The following PSMF1 variants were observed in gnomAD, a reference collection of about 807,000 sequenced individuals.
The protein encoded by PSMF1 is proteasome inhibitor subunit 1.
Under a neutral mutation model 29.3 loss-of-function variants are expected in PSMF1, and 30 were observed. The observed-to-expected ratio is 1.02, with a 90% CI of 0.77 to 1.39. The LOEUF is 1.39. PSMF1 is among the 40% of genes most tolerant of loss of function. PSMF1 has a pLI of 0.00. For missense variants in PSMF1, 344 were observed against 357.5 expected, an observed-to-expected ratio of 0.96 and a Z score of 0.31; for synonymous variants, 134 against 139.7, an observed-to-expected ratio of 0.96 and a Z score of 0.29.
chr20:1,147,329 C>G (rs568740154), intron 4 of PSMF1, among the ~76,000 whole-genome samples: 2 of 152,286 alleles, frequency 1.3e-5, no homozygotes, highest in East Asian at 3.9e-4. Context: ...GGGGAAGAGA[C>G]AGTGGCTGAG....
rs2086705889 is a variant in PSMF1 at position 1,164,540 on chromosome 20, C to G, written c.764+64C>G. 5 of 1,586,446 alleles carry G rather than the reference C, an allele frequency of 3.2e-6. No homozygotes were observed. Among genetic ancestry groups the G allele is most frequent in the African/African-American group, 1.3e-5 (1 of 74,430 alleles). Reference sequence around the variant, plus strand: ...ATGGCAGCTTGGTTCAGTGTGGCAGCAATGAAGGTTTCTAGCCCCAGGCAC... The same window carrying G: ...ATGGCAGCTTGGTTCAGTGTGGCAGGAATGAAGGTTTCTAGCCCCAGGCAC... On this transcript the variant is annotated intron_variant, in intron 6 of 6. Transcript: ENST00000335877. This position sits in a 1 kb window ranked among gnomAD's most constrained non-coding sequence, Gnocchi z 4.1.
intron 4 of PSMF1, chr20:1,160,687 TCAGGTGCCCCCAA>T: frequency 2.0e-6 from 1 of 496,160 alleles, no homozygotes; most frequent in Non-Finnish European, 4.1e-6. Context: ...CCCTCCACTG[TCAGGTGCCCCCAA>T]CACCAGGGCA....
Position 1,163,209 on chromosome 20 carries a change from C to T in PSMF1, c.605+26C>T, listed in dbSNP as rs1338179718. 1 of 1,612,594 alleles carries T rather than the reference C, an allele frequency of 6.2e-7. No homozygotes were observed. On this transcript the variant is annotated intron_variant, in intron 5 of 6. Transcript: ENST00000335877. The surrounding 1 kb of genome is among the most constrained non-coding windows in gnomAD (Gnocchi z 6.1). ...GTGAGTACTGCTGGGGAGGTGGCAG[C>T]AACACAACTTGCTTTTGTGGCTTTT...
intron 1 of PSMF1, among the ~76,000 whole-genome samples, chr20:1,120,837 T>G (rs778702498): frequency 3.9e-5 from 6 of 152,156 alleles, no homozygotes; most frequent in Non-Finnish European, 7.4e-5. Context: ...AGCTAGCTAC[T>G]TAGACTCTGC....
intron 4 of PSMF1, 49 bp downstream of exon 4, chr20:1,135,355 C>G: frequency 6.5e-7 from 1 of 1,528,670 alleles, no homozygotes; most frequent in Non-Finnish European, 8.8e-7. Context: ...TAGAGGGATT[C>G]CAGCCAGCTA....
intron 1 of PSMF1, 149 bp downstream of exon 1, chr20:1,119,051 C>T (rs1458329059): frequency 2.6e-6 from 3 of 1,139,904 alleles, no homozygotes; most frequent in Non-Finnish European, 3.7e-6. Context: ...ACCTGCGGGT[C>T]GGAGGTTGCT....
chr20:1,162,986 T>C (rs1383925818), intron 4 of PSMF1, 144 bp from the exon 5 acceptor site: 4 of 753,818 alleles, frequency 5.3e-6, no homozygotes, highest in Non-Finnish European at 8.9e-6. Flanking sequence ...ATTGTTCATC[T>C]GAGCCAAGGA....
In PSMF1 at chr20:1,163,137, C is replaced by A. The variant is rs746369925; in HGVS notation, c.559C>A (p.Pro187Thr). Residue 187 changes from proline to threonine, a missense_variant, in exon 5 of 7, where the codon CCC becomes ACC. Pro to Thr is a conservative substitution (Grantham distance 38). Transcript: ENST00000335877. The surrounding 1 kb of genome is among the most constrained non-coding windows in gnomAD (Gnocchi z 6.1). ...GTCTCTTGTTTGTTTCAGGTGTGAT[C>A]CCCTGGGCCCGTTTGTTGTCGGGGG... is the stretch of plus-strand genomic sequence containing the variant. ...HTSRQPPWCD[P>T]LGPFVVGGED... The A allele has an allele frequency of 6.2e-7, 1 of 1,614,134 alleles. No individual in the cohort carries two copies. The highest frequency in any genetic ancestry group is 1.7e-5 in the Admixed American group (1 of 60,024).
Position 1,122,798 on chromosome 20 carries a change from T to C in PSMF1, c.130-2700T>C, listed in dbSNP as rs145326572. Among the ~76,000 whole-genome samples, 30 of 152,332 alleles carry C rather than the reference T, an allele frequency of 2.0e-4. 1 individual carries two copies. The East Asian group carries it at 5.2e-3, about 26-fold the overall frequency. ...ATCAATTGCACTGCAGTTAGAGATA[T>C]CAGTTTCACCTGACTTCAGGGATTT... On this transcript the variant is annotated intron_variant, in intron 1 of 6. Coordinates refer to ENST00000335877, the MANE Select transcript of PSMF1 (RefSeq NM_006814.5).
intron 1 of PSMF1, among the ~76,000 whole-genome samples, chr20:1,123,409 T>A (rs1242483883): frequency 6.6e-6 from 1 of 152,220 alleles, no homozygotes; most frequent in Non-Finnish European, 1.5e-5. Flanking sequence ...ACCTGCCCCA[T>A]GGTGAGCAAT....
upstream of PSMF1, chr20:1,117,970 C>T (rs2086028760): frequency 6.6e-6 from 1 of 152,254 alleles, no homozygotes; most frequent in Admixed American, 6.5e-5. Context: ...GTGGTTTCAA[C>T]TCTGAGCCGT....
chr20:1,161,732 T>C (rs1463142198), intron 4 of PSMF1: 2 of 551,996 alleles, frequency 3.6e-6, no homozygotes, highest in African/African-American at 1.9e-5. Context: ...ATTTGCTGCA[T>C]AGGATAATTC....
intron 4 of PSMF1, among the ~76,000 whole-genome samples, chr20:1,145,265 C>T (rs2086435393): frequency 6.6e-6 from 1 of 152,122 alleles, no homozygotes; most frequent in South Asian, 2.1e-4. Flanking sequence ...TTCTTAAGTC[C>T]ATGGTATTTA....
Position 1,166,165 on chromosome 20 carries a change from G to C in PSMF1, c.*1085G>C. On this transcript the variant is annotated 3_prime_UTR_variant, in exon 7 of 7. Transcript: ENST00000335877. ...GTGGTGTTGAACTTCGGGAGGAGCAGGGAGCCCTGCACCTTGTGTCCTGGC... is the reference window on the plus strand; with the variant it reads ...GTGGTGTTGAACTTCGGGAGGAGCACGGAGCCCTGCACCTTGTGTCCTGGC... 6 of 1,600,692 alleles carry C rather than the reference G, an allele frequency of 3.7e-6. No homozygotes were observed. The East Asian group carries it at 9.0e-5, about 24-fold the overall frequency.
upstream of PSMF1, among the ~76,000 whole-genome samples, chr20:1,115,627 T>C (rs2086003492): frequency 6.6e-6 from 1 of 152,118 alleles, no homozygotes. Context: ...GAGGGAAACC[T>C]CACTCAGGAG....
intron 4 of PSMF1, among the ~76,000 whole-genome samples, chr20:1,144,511 G>T (rs763504635): frequency 1.3e-5 from 2 of 152,296 alleles, no homozygotes; most frequent in South Asian, 4.1e-4. Context: ...ATAGCCAAAA[G>T]CTGGAAATAA....
rs1010117601 is a variant in PSMF1, at chr20:1,168,373, A to G, written c.*3293A>G. 1 of 152,168 alleles carries G rather than the reference A, an allele frequency of 6.6e-6. No homozygotes were observed. Among genetic ancestry groups the G allele is most frequent in the South Asian group, 2.1e-4 (1 of 4,832 alleles). 9.4% of individuals were successfully genotyped at this position (152,168 alleles called of 1,614,324 possible). ...AAGTAGAATAAAGATCTGGTTCTAA[A>G]TTGTCTTTTGGTGGTGAAGTGCCAT... On this transcript the variant is annotated 3_prime_UTR_variant, in exon 7 of 7. Coordinates refer to ENST00000335877, the MANE Select transcript of PSMF1 (RefSeq NM_006814.5).
chr20:1,117,210 C>G (rs979623009), upstream of PSMF1, among the ~76,000 whole-genome samples: 8 of 152,132 alleles, frequency 5.3e-5, no homozygotes, highest in Admixed American at 4.6e-4. Context: ...CAGAGAGGTA[C>G]AGGGCTGGCA....
chr20:1,125,449 C>G (rs150675987), intron 1 of PSMF1, 49 bp from the exon 2 acceptor site: 1 of 1,541,216 alleles, frequency 6.5e-7, no homozygotes, highest in African/African-American at 1.4e-5. Context: ...CTTTATAGTT[C>G]TGTGTTTTGA....
Sources: gnomAD v4.1 joint callset for allele counts (sites outside exome capture counted in the v4.1 genomes callset) on GRCh38, gnomAD v4.1.1 for gene constraint, Gnocchi (gnomAD v3.1) non-coding constraint, MANE v1.5 for transcripts, NCBI Gene and HGNC (gene_info 2026-07-23, HGNC 2026-07-21) for gene names.